Variants in SLC25A48 observed in about 807,000 individuals in gnomAD.
SLC25A48 encodes the protein CTC-321K16.1.
SLC25A48 carries 29 observed loss-of-function variants against 32.2 expected under a neutral mutation model. The ratio of observed to expected loss-of-function variants is 0.90; its 90% CI spans 0.67 to 1.23. The LOEUF (loss-of-function observed/expected upper bound fraction) is 1.23, where lower values mean the gene tolerates loss of function less well. Ranked by LOEUF, SLC25A48 falls within the 50% of genes most tolerant of loss-of-function variation. The pLI, the probability that SLC25A48 is intolerant of heterozygous loss-of-function variation, is 0.00. For missense variants in SLC25A48, 399 were observed against 422.7 expected, an observed-to-expected ratio of 0.94 and a Z score of 0.49; for synonymous variants, 164 against 172.3, an observed-to-expected ratio of 0.95 and a Z score of 0.38.
intron 1 of SLC25A48, among the ~76,000 whole-genome samples, chr5:135,597,778 C>T (rs1166282020): frequency 2.6e-5 from 4 of 152,122 alleles, no homozygotes; most frequent in East Asian, 3.9e-4. Context: ...CAGAGGTGGG[C>T]GGATCACCTG....
At chr5:135,724,245 G>A (rs550462739) in intron 3 of SLC25A48, among the ~76,000 whole-genome samples, 1 of 152,314 alleles carries the variant, frequency 6.6e-6, no homozygotes, top group East Asian at 1.9e-4. Flanking sequence ...TTTGTTTAAT[G>A]CCATTAGTTG....
intron 3 of SLC25A48, among the ~76,000 whole-genome samples, chr5:135,772,299 G>A (rs1756433465): frequency 6.6e-6 from 1 of 150,934 alleles, no homozygotes; most frequent in Non-Finnish European, 1.5e-5. Context: ...CACAGGTAGT[G>A]TACACCCCAA....
intron 1 of SLC25A48, among the ~76,000 whole-genome samples, chr5:135,625,350 G>A (rs1238252103): frequency 6.6e-6 from 1 of 152,144 alleles, no homozygotes; most frequent in Non-Finnish European, 1.5e-5. Flanking sequence ...GGCATGAAGT[G>A]GAGGAGTGGG....
At chr5:135,624,457 T>C (rs1398226180) in intron 1 of SLC25A48, among the ~76,000 whole-genome samples, 5 of 152,226 alleles carry the variant, frequency 3.3e-5, no homozygotes, top group Non-Finnish European at 7.3e-5. Context: ...ATTTTCATGT[T>C]AATATGGAAA....
At chr5:135,731,904 A>G (rs1198095547) in intron 3 of SLC25A48, among the ~76,000 whole-genome samples, 1 of 152,258 alleles carries the variant, frequency 6.6e-6, no homozygotes, top group Non-Finnish European at 1.5e-5. Context: ...AAACAAGAGT[A>G]GGGCATTTAT....
chr5:135,819,251 G>T (rs1171301373), intron 4 of SLC25A48, among the ~76,000 whole-genome samples: 1 of 152,046 alleles, frequency 6.6e-6, no homozygotes, highest in African/African-American at 2.4e-5. Context: ...CCCCAGAAAG[G>T]ATAAGGTCAA....
At chr5:135,620,109 C>A (rs902473272) in intron 1 of SLC25A48, among the ~76,000 whole-genome samples, 6 of 152,172 alleles carry the variant, frequency 3.9e-5, no homozygotes, top group African/African-American at 1.4e-4. Context: ...GGGACCCCAG[C>A]AGTCCATGTT....
At chr5:135,654,354 C>T (rs1045970951) in intron 3 of SLC25A48, among the ~76,000 whole-genome samples, 8 of 152,066 alleles carry the variant, frequency 5.3e-5, no homozygotes, top group East Asian at 1.9e-4. Context: ...TAAGGCCAGA[C>T]GATTCTGGGA....
chr5:135,625,126 G>C (rs933091884), intron 1 of SLC25A48, among the ~76,000 whole-genome samples: 2 of 152,062 alleles, frequency 1.3e-5, no homozygotes, highest in African/African-American at 4.8e-5. Context: ...CCCTGATTTG[G>C]GGAAGGGTGC....
chr5:135,628,068 C>T (rs1049434281), intron 1 of SLC25A48, among the ~76,000 whole-genome samples: 1 of 152,120 alleles, frequency 6.6e-6, no homozygotes, highest in African/African-American at 2.4e-5. Flanking sequence ...AGGGAAGCCT[C>T]CTTTGACACA....
At chr5:135,580,415 C>A (rs1313539768) in intron 1 of SLC25A48, among the ~76,000 whole-genome samples, 1 of 152,148 alleles carries the variant, frequency 6.6e-6, no homozygotes, top group African/African-American at 2.4e-5. Context: ...CCTGGCAGTT[C>A]CCTGGAGGCA....
intron 3 of SLC25A48, among the ~76,000 whole-genome samples, chr5:135,729,590 G>C (rs1001550660): frequency 7.2e-5 from 11 of 152,168 alleles, no homozygotes; most frequent in African/African-American, 2.7e-4. Flanking sequence ...CTTGGAAGGA[G>C]ACAGTTGCTT....
intron 3 of SLC25A48, 78 bp from the exon 4 acceptor site, chr5:135,852,485 G>T: frequency 6.6e-7 from 1 of 1,510,628 alleles, no homozygotes; most frequent in African/African-American, 1.4e-5. Context: ...TGTGTCCGGT[G>T]GTGTACCCCG....
chr5:135,805,342 A>G (rs541703145), intron 3 of SLC25A48, among the ~76,000 whole-genome samples: 1 of 151,668 alleles, frequency 6.6e-6, no homozygotes, highest in African/African-American at 2.4e-5. Context: ...TCATAGGAAG[A>G]CATAATTCCT....
chr5:135,767,998 G>A (rs1756291365), intron 3 of SLC25A48, among the ~76,000 whole-genome samples: 2 of 146,520 alleles, frequency 1.4e-5, no homozygotes. Flanking sequence ...ATCACAGCGG[G>A]TGTACACACC....
At chr5:135,837,220 C>A (rs183807085) in intron 1 of SLC25A48, among the ~76,000 whole-genome samples, 119 of 152,154 alleles carry the variant, frequency 7.8e-4, no homozygotes, top group South Asian at 2.1e-3. Flanking sequence ...CACCTCCCCC[C>A]ACTACTGGGA....
At chr5:135,631,078 C>A (rs1269847144) in intron 2 of SLC25A48, among the ~76,000 whole-genome samples, 2 of 152,188 alleles carry the variant, frequency 1.3e-5, no homozygotes, top group African/African-American at 4.8e-5. Context: ...GAACTTCCAG[C>A]AGAAAGCCTC....
At chr5:135,726,679 G>A (rs764064456) in intron 3 of SLC25A48, among the ~76,000 whole-genome samples, 35 of 152,182 alleles carry the variant, frequency 2.3e-4, no homozygotes, top group Admixed American at 5.9e-4. Context: ...AGCACTCCAT[G>A]GTGTGCGTGT....
chr5:135,846,339 G>A (rs1222820143), intron 2 of SLC25A48, among the ~76,000 whole-genome samples: 1 of 152,206 alleles, frequency 6.6e-6, no homozygotes, highest in African/African-American at 2.4e-5. Context: ...GGGAGGGGGT[G>A]TCTGCCTCCT....
Sources: gnomAD v4.1 joint callset for allele counts (sites outside exome capture counted in the v4.1 genomes callset) on GRCh38, gnomAD v4.1.1 for gene constraint, MANE v1.5 for transcripts, NCBI Gene and HGNC (gene_info 2026-07-23, HGNC 2026-07-21) for gene names.